The following PCDH19 variants were observed in gnomAD, a reference collection of about 807,000 sequenced individuals.
PCDH19 encodes the protein protocadherin-19.
In PCDH19, 6 loss-of-function variants were observed where a neutral mutation model predicts 46.2. The ratio of observed to expected loss-of-function variants is 0.13; its 90% CI spans 0.07 to 0.26. The LOEUF (loss-of-function observed/expected upper bound fraction) is 0.26. Among genes scored for constraint, PCDH19 ranks in the 10% least tolerant of loss-of-function variants. The pLI, the probability that PCDH19 is intolerant of heterozygous loss-of-function variation, is 1.00. For missense variants in PCDH19, 740 were observed against 972.3 expected (o/e 0.76, Z 3.18); for synonymous variants, 481 against 415.7 (o/e 1.16, Z -1.91).
rs146619644 is a variant in PCDH19 at position 100,327,555 on chromosome X, G to A, written c.2848+14348C>T. Among the ~76,000 whole-genome samples, 227 of 112,007 alleles carry A rather than the reference G, an allele frequency of 2.0e-3. 1 individual carries two copies. The highest frequency in any genetic ancestry group is 3.4e-3 in the Non-Finnish European group (182 of 53,140). On this transcript the variant is annotated intron_variant, in intron 5 of 5. Transcript: ENST00000373034. ...GAAGTGATTGGACACTATCTGTCTG[G>A]AAGACTCCAATGAGAATTAGAATTC...
chrX:100,389,423 T>C (rs1362276674), intron 3 of PCDH19, among the ~76,000 whole-genome samples: 1 of 110,344 alleles, frequency 9.1e-6, no homozygotes, highest in Non-Finnish European at 1.9e-5. Context: ...GGCCAAAGGA[T>C]ACAAAGTTTC....
rs760001551 is a variant in PCDH19, at chrX:100,305,305, T to C, written c.2849-8430A>G. 6.4e-4 allele frequency among the ~76,000 whole-genome samples: 72 copies of C among 111,843 alleles called. 1 individual carries two copies. The highest frequency in any genetic ancestry group is 2.3e-3 in the African/African-American group (72 of 30,881). On this transcript the variant is annotated intron_variant, in intron 5 of 5. Transcript: ENST00000373034. ...AAATGAAACAATTATCAGCCAAGAA[T>C]TTTGTATCCAGTGAAACTAAGCTTA...
In PCDH19 at chrX:100,294,012, T is replaced by C. The variant is rs1924513020; in HGVS notation, c.*2265A>G. On this transcript the variant is annotated 3_prime_UTR_variant, in exon 6 of 6. Coordinates refer to ENST00000373034, the MANE Select transcript of PCDH19 (RefSeq NM_001184880.2). ...TACACCTGTAGAAAACTGTGAAGTC[T>C]GACTTCAAAGTGACCTTGAAATCGT... The C allele has an allele frequency of 8.9e-6, 1 of 111,881 alleles. No individual in the cohort carries two copies. The highest frequency in any genetic ancestry group is 1.9e-5 in the Non-Finnish European group (1 of 53,261). 9.2% of individuals were successfully genotyped at this position (111,881 alleles called of 1,213,427 possible). A position where few individuals can be genotyped will look rare whatever the true frequency, so the allele number is the denominator to read the frequency against.
intron 5 of PCDH19, among the ~76,000 whole-genome samples, chrX:100,329,234 G>C (rs899432347): frequency 8.9e-6 from 1 of 112,609 alleles, no homozygotes; most frequent in Non-Finnish European, 1.9e-5. Flanking sequence ...GAAGCTGAGA[G>C]AGGCATAATG....
intron 3 of PCDH19, among the ~76,000 whole-genome samples, chrX:100,385,632 T>G (rs1324045881): frequency 8.9e-6 from 1 of 112,330 alleles, no homozygotes; most frequent in African/African-American, 3.2e-5. Flanking sequence ...TGGTGGCTCA[T>G]GCCTGTAATC....
At position 100,350,693 on chromosome X, in the gene PCDH19, A is replaced by G. The variant is rs1317482503; in HGVS notation, c.2628T>C (p.Tyr876=). 2.6e-6 allele frequency: 3 copies of G among 1,176,118 alleles called. No individual in the cohort carries two copies. The Admixed American group carries it at 6.5e-5, about 26-fold the overall frequency. ...TATTCACGTAGTTGGAGTCAAAAGA[A>G]TAGTTTTCAGTCTGCAATGAGAAGA... ...NGVPLPETEN[Y]SFDSNYVNSR... is the part of the protein sequence containing the mutation. The change falls in exon 4 of 6, where the codon TAT becomes TAC. Residue 876 remains tyrosine (Y), a synonymous_variant. Transcript: ENST00000373034.
In PCDH19 at chrX:100,342,053, C is replaced by G. The variant is rs747292491; in HGVS notation, c.2698G>C (p.Glu900Gln). 11 of 1,210,326 alleles carry G rather than the reference C, an allele frequency of 9.1e-6. No individual in the cohort carries two copies. Among genetic ancestry groups the G allele is most frequent in the Non-Finnish European group, 1.2e-5 (11 of 894,252 alleles). The change falls in exon 5 of 6, where the codon GAG becomes CAG. Residue 900 changes from glutamate (E) to glutamine (Q), a missense_variant. This residue lies in a region of PCDH19 where 416 missense variants were observed against 476.8 expected (regional missense o/e 0.87). Coordinates refer to ENST00000373034, the MANE Select transcript of PCDH19 (RefSeq NM_001184880.2). ...CCACTATCCTTCAGGCTGTTGCCCT[C>G]TAAGTCCTTGAAGGTGGAGCTGCTG... ...IKSSSTFKDL[E>Q]GNSLKDSGHE...
rs188776566 is a variant in PCDH19, at chrX:100,348,959, G to C, written c.2675+1687C>G. Among the ~76,000 whole-genome samples the C allele has an allele frequency of 2.5e-4, 25 of 101,225 alleles. No individual in the cohort carries two copies. The East Asian group carries it at 7.0e-3, about 28-fold the overall frequency. 87.9% of individuals were successfully genotyped at this position (101,225 alleles called of 115,157 possible). On this transcript the variant is annotated intron_variant, in intron 4 of 5. Transcript: ENST00000373034. ...TTTGGTAGAGATGGTGGGGGGTGGG[G>C]GGGAGGGGTTGCACTATTTTGCCCA...
In PCDH19 at chrX:100,333,183, G is replaced by GAA. The variant is rs1569294726; in HGVS notation, c.2848+8719_2848+8720insTT. Among the ~76,000 whole-genome samples, 275 of 43,204 alleles carry GAA rather than the reference G, an allele frequency of 6.4e-3. 4 individuals are homozygous for GAA. Among genetic ancestry groups the GAA allele is most frequent in the Middle Eastern group, 0.035 (2 of 57 alleles). The allele number at this position is 43,204 out of a possible 115,157, so 37.5% of individuals were successfully genotyped here. The stretch of plus-strand genomic sequence containing the variant: ...GAAGGAAGGAAGGAAGGGAGAGAGA[G>GAA]AGAAAGAAAGAAAGAAAGAAAGAAA... On this transcript the variant is annotated intron_variant, in intron 5 of 5. Coordinates refer to ENST00000373034, the MANE Select transcript of PCDH19 (RefSeq NM_001184880.2).
Position 100,350,589 on chromosome X carries a change from T to G in PCDH19, c.2675+57A>C, listed in dbSNP as rs1182731115. 3.7e-6 allele frequency: 3 copies of G among 810,066 alleles called. No individual in the cohort carries two copies. In the African/African-American group the frequency reaches 6.0e-5, roughly 16 times the overall value. 66.8% of individuals were successfully genotyped at this position (810,066 alleles called of 1,213,427 possible). ...ACGTTTTAAAAATTTTAATCTGTTT[T>G]GCTTTTTAATGTTAAATCAAGCTTA... is the stretch of plus-strand genomic sequence containing the variant. On this transcript the variant is annotated intron_variant, in intron 4 of 5. Transcript: ENST00000373034.
chrX:100,383,811 T>A (rs755116400), intron 3 of PCDH19, among the ~76,000 whole-genome samples: 2 of 111,546 alleles, frequency 1.8e-5, no homozygotes, highest in African/African-American at 3.2e-5. Context: ...AAACCTACTA[T>A]CTATTAAAAT....
intron 5 of PCDH19, among the ~76,000 whole-genome samples, chrX:100,311,670 C>T (rs1925134672): frequency 9.0e-6 from 1 of 111,500 alleles, no homozygotes; most frequent in African/African-American, 3.3e-5. Flanking sequence ...GTAAACCAAT[C>T]ACTGTCTCCT....
intron 3 of PCDH19, among the ~76,000 whole-genome samples, chrX:100,392,875 C>T (rs1414083206): frequency 1.8e-5 from 2 of 111,388 alleles, no homozygotes; most frequent in Non-Finnish European, 3.8e-5. Flanking sequence ...AAGCCAATCC[C>T]TCTGAATGCA....
Position 100,296,828 on chromosome X carries a change from G to A in PCDH19, c.2896C>T (p.His966Tyr). 1 of 1,210,937 alleles carries A rather than the reference G, an allele frequency of 8.3e-7. No homozygotes were observed. Among genetic ancestry groups the A allele is most frequent in the Non-Finnish European group, 1.1e-6 (1 of 894,970 alleles). ...CGGGGCATCCAGCACCTGTCAGAGT[G>A]GCCAAGAATCCGGCATTCTTCCCGG... ...HCREECRILG[H>Y]SDRCWMPRNP... is the part of the protein sequence containing the mutation. The change falls in exon 6 of 6, where the codon CAC becomes TAC. Residue 966 changes from histidine (H) to tyrosine (Y), a missense_variant. By Grantham distance (83) the His-to-Tyr change is moderately conservative. Around this residue, in one of 5 missense-constraint regions of PCDH19, gnomAD observed 416 missense variants for 476.8 expected, o/e 0.87. Coordinates refer to ENST00000373034, the MANE Select transcript of PCDH19 (RefSeq NM_001184880.2).
intron 3 of PCDH19, among the ~76,000 whole-genome samples, chrX:100,389,976 T>C (rs1241439600): frequency 2.0e-5 from 2 of 99,426 alleles, no homozygotes; most frequent in African/African-American, 6.9e-5. Flanking sequence ...TTAATAAATG[T>C]GAAATTTATT....
chrX:100,349,519 AT>A (rs1926509562), intron 4 of PCDH19, among the ~76,000 whole-genome samples: 1 of 112,240 alleles, frequency 8.9e-6, no homozygotes, highest in Non-Finnish European at 1.9e-5. Context: ...AGCCTCATGA[AT>A]TAAATCAGAC....
chrX:100,323,158 C>T (rs1318177387), intron 5 of PCDH19, among the ~76,000 whole-genome samples: 2 of 110,052 alleles, frequency 1.8e-5, no homozygotes, highest in Non-Finnish European at 3.8e-5. Context: ...AAAACACACA[C>T]TGAGAGGTCA....
At chrX:100,308,876 T>C (rs759599967) in intron 5 of PCDH19, among the ~76,000 whole-genome samples, 7 of 111,157 alleles carry the variant, frequency 6.3e-5, no homozygotes, top group African/African-American at 2.3e-4. Flanking sequence ...AAATAATAAA[T>C]GTTGGCATGG....
At position 100,410,113 on chromosome X, in the gene PCDH19, G is replaced by A. The variant is rs1333659472; in HGVS notation, c.-1516C>T. 1.4e-5 allele frequency: 4 copies of A among 295,655 alleles called. No individual in the cohort carries two copies. The highest frequency in any genetic ancestry group is 1.8e-5 in the Non-Finnish European group (3 of 170,041). 24.4% of individuals were successfully genotyped at this position (295,655 alleles called of 1,213,427 possible). On this transcript the variant is annotated 5_prime_UTR_variant, in exon 1 of 6. Coordinates refer to ENST00000373034, the MANE Select transcript of PCDH19 (RefSeq NM_001184880.2). ...ATGCTGCGGAGCGCAACGCGCCAAG[G>A]GCCAGCGCCGGGCTAGGGACGCGGG...
Sources: allele counts gnomAD v4.1 joint callset (sites outside exome capture counted in the v4.1 genomes callset), GRCh38; gene constraint gnomAD v4.1.1; regional missense constraint gnomAD v4.1.1; transcripts MANE v1.5; gene names NCBI Gene and HGNC (gene_info 2026-07-23, HGNC 2026-07-21).